Variants in SAMD4A observed in about 807,000 individuals in gnomAD.
The protein encoded by SAMD4A is sterile alpha motif domain containing 4A.
A neutral mutation model predicts 81.3 loss-of-function variants in SAMD4A; 33 were observed. The ratio of observed to expected loss-of-function variants is 0.41; its 90% CI spans 0.31 to 0.54. The LOEUF is 0.54. Ranked by LOEUF, SAMD4A falls within the 20% of genes least tolerant of loss-of-function variation. The pLI, the probability that SAMD4A is intolerant of heterozygous loss-of-function variation, is 0.37. For missense variants in SAMD4A, 854 were observed against 951.1 expected, an observed-to-expected ratio of 0.90 and a Z score of 1.34; for synonymous variants, 389 against 382.1, an observed-to-expected ratio of 1.02 and a Z score of -0.21.
At chr14:54,688,405 T>G (rs2036336352) in intron 2 of SAMD4A, 1,112 of 949,952 alleles carry the variant, frequency 1.2e-3, no homozygotes, top group Middle Eastern at 2.2e-3. Flanking sequence ...GGGGGTGGTT[T>G]GTGAGGGTGT....
At chr14:54,648,210 G>T (rs1375239537) in intron 2 of SAMD4A, among the ~76,000 whole-genome samples, 1 of 152,212 alleles carries the variant, frequency 6.6e-6, no homozygotes, top group Non-Finnish European at 1.5e-5. Context: ...AGCAATAGGA[G>T]GAAACTAAGG....
intron 2 of SAMD4A, among the ~76,000 whole-genome samples, chr14:54,614,874 C>T (rs1196603889): frequency 6.6e-6 from 1 of 152,192 alleles, no homozygotes; most frequent in Non-Finnish European, 1.5e-5. Context: ...TAATGAAGTC[C>T]TCAAGTCAGA....
At chr14:54,669,848 C>T (rs149941581) in intron 2 of SAMD4A, among the ~76,000 whole-genome samples, 17 of 152,254 alleles carry the variant, frequency 1.1e-4, no homozygotes, top group African/African-American at 3.9e-4. Flanking sequence ...CCAAGAATCC[C>T]GGAGTGAATC....
chr14:54,619,740 T>C (rs1423831492), intron 2 of SAMD4A, among the ~76,000 whole-genome samples: 2 of 152,046 alleles, frequency 1.3e-5, no homozygotes, highest in African/African-American at 4.8e-5. Flanking sequence ...GAACATGCGG[T>C]ATTTGGTTTC....
intron 9 of SAMD4A, among the ~76,000 whole-genome samples, chr14:54,774,206 G>C (rs75462173): frequency 0.028 from 4,204 of 152,312 alleles, 82 homozygotes; most frequent in South Asian, 0.055. Context: ...CTGGCTGTGT[G>C]ACCTGTGCAC....
chr14:54,567,820 C>G lies in SAMD4A; in HGVS notation c.-97C>G. ...GAGCCACCTTGGAACAGGAACGCGT[C>G]TCCGGCCGCGGGGCTGCGGCTCCGC... On this transcript the variant is annotated 5_prime_UTR_variant, in exon 2 of 13. Transcript: ENST00000554335. The G allele has an allele frequency of 7.2e-7, 1 of 1,384,766 alleles. No homozygotes were observed. The highest frequency in any genetic ancestry group is 9.8e-7 in the Non-Finnish European group (1 of 1,020,820). The allele number at this position is 1,384,766 out of a possible 1,614,324, so 85.8% of individuals were successfully genotyped here.
At chr14:54,679,220 C>A (rs1167460345) in intron 2 of SAMD4A, among the ~76,000 whole-genome samples, 2 of 152,070 alleles carry the variant, frequency 1.3e-5, no homozygotes, top group Non-Finnish European at 2.9e-5. Context: ...ATGCATTGGA[C>A]CAGGAATATT....
At chr14:54,695,146 C>A (rs1018145055) in intron 2 of SAMD4A, among the ~76,000 whole-genome samples, 1 of 152,178 alleles carries the variant, frequency 6.6e-6, no homozygotes, top group Non-Finnish European at 1.5e-5. Flanking sequence ...TACCAAGTAA[C>A]CAAAAGCTCT....
chr14:54,709,188 G>A (rs771317158), intron 3 of SAMD4A, among the ~76,000 whole-genome samples: 1 of 151,942 alleles, frequency 6.6e-6, no homozygotes, highest in Non-Finnish European at 1.5e-5. Flanking sequence ...GAGGAGGGAG[G>A]ATCACTTGAG....
intron 8 of SAMD4A, among the ~76,000 whole-genome samples, chr14:54,766,018 A>G (rs2038531236): frequency 6.6e-6 from 1 of 152,200 alleles, no homozygotes; most frequent in Non-Finnish European, 1.5e-5. Flanking sequence ...TTGGGGGCTC[A>G]GACACGCCAT....
Position 54,789,209 on chromosome 14 carries a change from C to A in SAMD4A, c.*265C>A. The A allele has an allele frequency of 6.2e-6, 2 of 321,158 alleles. No individual in the cohort carries two copies. The highest frequency in any genetic ancestry group is 2.9e-5 in the South Asian group (1 of 34,520). 19.9% of individuals were successfully genotyped at this position (321,158 alleles called of 1,614,324 possible). On this transcript the variant is annotated 3_prime_UTR_variant, in exon 13 of 13. Transcript: ENST00000554335. ...GAGGGGTCTCTAGGGAATTATGAGACTGGGAGGGGGGTGGAGGGAATGCAG... is the reference window on the plus strand; with the variant it reads ...GAGGGGTCTCTAGGGAATTATGAGAATGGGAGGGGGGTGGAGGGAATGCAG...
At position 54,715,806 on chromosome 14, in the gene SAMD4A, A is replaced by G. The variant is rs566992953; in HGVS notation, c.715+13226A>G. On this transcript the variant is annotated intron_variant, in intron 3 of 12. Transcript: ENST00000554335. ...ATCTGATAATTTAGAAACGTATTAGAGTTTATTAATAGGAAACACAGTATC... is the reference window on the plus strand; with the variant it reads ...ATCTGATAATTTAGAAACGTATTAGGGTTTATTAATAGGAAACACAGTATC... Among the ~76,000 whole-genome samples, 295 of 152,290 alleles carry G rather than the reference A, an allele frequency of 1.9e-3. 2 individuals are homozygous for G. Among genetic ancestry groups the G allele is most frequent in the African/African-American group, 6.9e-3 (286 of 41,560 alleles).
intron 12 of SAMD4A, among the ~76,000 whole-genome samples, chr14:54,788,052 G>A (rs2039185006): frequency 6.6e-6 from 1 of 151,976 alleles, no homozygotes; most frequent in Non-Finnish European, 1.5e-5. Context: ...TCTCCAAAAC[G>A]TAGATGTGGC....
intron 2 of SAMD4A, chr14:54,688,317 C>G (rs935409488): frequency 1.0e-6 from 1 of 985,416 alleles, no homozygotes; most frequent in South Asian, 4.7e-5. Flanking sequence ...TACTGGCTCT[C>G]ACGCCCAGGC....
chr14:54,739,060 T>G (rs1407533373), intron 4 of SAMD4A, among the ~76,000 whole-genome samples: 1 of 140,520 alleles, frequency 7.1e-6, no homozygotes, highest in African/African-American at 2.6e-5. Flanking sequence ...CTTTTCTTTT[T>G]TTTTTTTTTT....
At chr14:54,706,341 A>G (rs928816248) in intron 3 of SAMD4A, among the ~76,000 whole-genome samples, 17 of 150,018 alleles carry the variant, frequency 1.1e-4, no homozygotes, top group African/African-American at 4.2e-4. Context: ...TTGGTGGCTC[A>G]CACCTGTAAT....
intron 2 of SAMD4A, among the ~76,000 whole-genome samples, chr14:54,597,952 C>T (rs1306891014): frequency 2.0e-5 from 3 of 152,076 alleles, no homozygotes; most frequent in Non-Finnish European, 4.4e-5. Flanking sequence ...GTTTATAATC[C>T]TTGGTCTCCA....
chr14:54,595,318 T>C (rs1459297058), intron 2 of SAMD4A, among the ~76,000 whole-genome samples: 1 of 151,900 alleles, frequency 6.6e-6, no homozygotes, highest in Non-Finnish European at 1.5e-5. Flanking sequence ...ATCACATACA[T>C]GTTGAATTCC....
At chr14:54,602,323 TACACACACACACACACACACACAC>T (rs3049830) in intron 2 of SAMD4A, among the ~76,000 whole-genome samples, 25,031 of 136,652 alleles carry the variant, frequency 0.18, 2,397 homozygotes, top group African/African-American at 0.28. Context: ...TGCTTTAAAA[TACACACACACACACACACACACAC>T]ACACACACAC....
Sources: allele counts gnomAD v4.1 joint callset (sites outside exome capture counted in the v4.1 genomes callset), GRCh38; gene constraint gnomAD v4.1.1; transcripts MANE v1.5; gene names NCBI Gene and HGNC (gene_info 2026-07-23, HGNC 2026-07-21).